NRDC: variants seen among roughly 807,000 people sequenced by gnomAD.
NRDC encodes nardilysin convertase, also known as nardilysin.
A neutral mutation model predicts 147.1 loss-of-function variants in NRDC; 54 were observed. That is an observed-to-expected ratio of 0.37 (90% CI 0.29 to 0.46). The LOEUF is 0.46. NRDC is among the 20% of genes least tolerant of loss of function. The probability of loss-of-function intolerance (pLI) is 1.00; values close to 1 mark genes in which losing one functional copy is unlikely to be tolerated. For missense variants in NRDC, 1,082 were observed against 1,370.6 expected, an observed-to-expected ratio of 0.79 and a Z score of 3.33; for synonymous variants, 440 against 482.1, an observed-to-expected ratio of 0.91 and a Z score of 1.14.
In NRDC at chr1:51,830,196, C is replaced by A. The variant is rs185535332; in HGVS notation, c.867-2327G>T. ...GCCAGGCTGGTTTCAAACTCCTGAC[C>A]TCGTGATCCACCCGCCTCGGCCTCC... is the stretch of plus-strand genomic sequence containing the variant. On this transcript the variant is annotated intron_variant, in intron 4 of 30. Coordinates refer to ENST00000352171, the MANE Select transcript of NRDC (RefSeq NM_001101662.2). Among the ~76,000 whole-genome samples, 276 of 152,156 alleles carry A rather than the reference C, an allele frequency of 1.8e-3. 1 individual carries two copies. Among genetic ancestry groups the A allele is most frequent in the African/African-American group, 6.3e-3 (263 of 41,518 alleles).
At chr1:51,865,034 A>G (rs1358858764) in intron 1 of NRDC, among the ~76,000 whole-genome samples, 1 of 152,050 alleles carries the variant, frequency 6.6e-6, no homozygotes, top group Non-Finnish European at 1.5e-5. Flanking sequence ...GCAAACCATA[A>G]AAGATCAATA....
chr1:51,800,753 C>A, intron 20 of NRDC, 70 bp from the exon 21 acceptor site: 1 of 1,522,106 alleles, frequency 6.6e-7, no homozygotes, highest in Middle Eastern at 2.0e-4. Context: ...GGAAATGTTT[C>A]TCTTTGGTTT....
intron 20 of NRDC, among the ~76,000 whole-genome samples, chr1:51,801,922 A>G (rs989920798): frequency 5.3e-5 from 8 of 151,798 alleles, no homozygotes; most frequent in Non-Finnish European, 8.8e-5. Flanking sequence ...CGAGTAGCTG[A>G]GACTACAGGC....
At chr1:51,835,024 A>G (rs983293059) in intron 3 of NRDC, among the ~76,000 whole-genome samples, 19 of 152,166 alleles carry the variant, frequency 1.2e-4, no homozygotes, top group Non-Finnish European at 2.9e-5. Context: ...ATAAAAATAA[A>G]TATTTGTAAC....
At chr1:51,820,006 A>G in intron 8 of NRDC, 133 bp from the exon 9 acceptor site, 1 of 666,446 alleles carries the variant, frequency 1.5e-6, no homozygotes, top group Non-Finnish European at 2.6e-6. Flanking sequence ...CCAGGCATGA[A>G]CAAATAGATG....
chr1:51,834,211 A>G (rs199708979), intron 3 of NRDC, 41 bp from the exon 4 acceptor site: 6 of 1,597,692 alleles, frequency 3.8e-6, no homozygotes, highest in Non-Finnish European at 5.1e-6. Flanking sequence ...ACAAAGATAT[A>G]GAAAATATTT....
rs771147820 is a variant in NRDC at position 51,791,558 on chromosome 1, C to G, written c.2960+20G>C. On this transcript the variant is annotated intron_variant, in intron 27 of 30. Transcript: ENST00000352171. ...CATGTCCATAATAGGTTACACTCATCTATTCACTCACTCACTCACTTGTAT... is the reference window on the plus strand; with the variant it reads ...CATGTCCATAATAGGTTACACTCATGTATTCACTCACTCACTCACTTGTAT... 4.4e-6 allele frequency: 7 copies of G among 1,579,748 alleles called. No individual in the cohort carries two copies. The highest frequency in any genetic ancestry group is 5.2e-6 in the Non-Finnish European group (6 of 1,148,792).
intron 5 of NRDC, among the ~76,000 whole-genome samples, chr1:51,826,143 AT>A (rs2149212195): frequency 6.6e-6 from 1 of 152,230 alleles, no homozygotes; most frequent in African/African-American, 2.4e-5. Flanking sequence ...TCTGTGGTTT[AT>A]AAGCCACCCG....
Position 51,878,542 on chromosome 1 carries a change from G to A in NRDC, c.74C>T (p.Ala25Val). 1.2e-6 allele frequency: 2 copies of A among 1,613,540 alleles called. No homozygotes were observed. The highest frequency in any genetic ancestry group is 1.7e-6 in the Non-Finnish European group (2 of 1,179,848). Residue 25 changes from alanine (A) to valine (V), a missense_variant, in exon 1 of 31, where the codon GCG (alanine) becomes GTG (valine). This residue lies in a region of NRDC where 260 missense variants were observed against 253.2 expected (regional missense o/e 1.03). Coordinates refer to ENST00000352171, the MANE Select transcript of NRDC (RefSeq NM_001101662.2). ...RKLCEAGRELAALWGIETRGR... is the reference protein window; with the variant it reads ...RKLCEAGRELVALWGIETRGR... The stretch of plus-strand genomic sequence containing the variant: ...CCGCGTTTCGATTCCCCAGAGCGCC[G>A]CGAGCTCCCGCCCGGCCTCACACAA...
intron 1 of NRDC, among the ~76,000 whole-genome samples, chr1:51,849,307 A>G (rs923891232): frequency 4.0e-5 from 6 of 151,886 alleles, no homozygotes; most frequent in African/African-American, 1.5e-4. Context: ...CTGAGGCAGG[A>G]GAATGACTGA....
In NRDC at chr1:51,791,645, T is replaced by C. The variant is rs150945886; in HGVS notation, c.2893A>G (p.Thr965Ala). Residue 965 changes from threonine (T) to alanine (A), a missense_variant, in exon 27 of 31, where the codon ACC becomes GCC. Physicochemically the swap from Thr to Ala is moderately conservative, Grantham distance 58 (BLOSUM62 0). Transcript: ENST00000352171. ...KQTLGYHVYP[T>A]CRNTSGILGF... Reference sequence around the variant, plus strand: ...AGAATCCCGGATGTGTTCCTACAGGTAGGGTAGACATGGTACCTACAAGCC... The same window carrying C: ...AGAATCCCGGATGTGTTCCTACAGGCAGGGTAGACATGGTACCTACAAGCC... 6.2e-7 allele frequency: 1 copy of C among 1,613,706 alleles called. No individual in the cohort carries two copies. Among genetic ancestry groups the C allele is most frequent in the South Asian group, 1.1e-5 (1 of 91,070 alleles).
rs1345105056 is a variant in NRDC, at chr1:51,806,841, T to C, written c.2063A>G (p.Gln688Arg). 1 of 1,614,168 alleles carries C rather than the reference T, an allele frequency of 6.2e-7. No homozygotes were observed. The highest frequency in any genetic ancestry group is 8.5e-7 in the Non-Finnish European group (1 of 1,179,990). ...EYPVKIVNTP[Q>R]GCLWYKKDNK... ...GTCTTTCTTATACCACAGGCAACCTTGTGGAGTATTCACAATTTTAACTGG... is the reference window on the plus strand; with the variant it reads ...GTCTTTCTTATACCACAGGCAACCTCGTGGAGTATTCACAATTTTAACTGG... Residue 688 changes from glutamine (Q) to arginine (R), a missense_variant, in exon 18 of 31, where the codon CAA (glutamine) becomes CGA (arginine). By Grantham distance (43) the Gln-to-Arg change is conservative. Transcript: ENST00000352171.
chr1:51,855,168 G>T lies in NRDC; in HGVS notation c.342-14654C>A, dbSNP rs1054740995. 2.0e-5 allele frequency among the ~76,000 whole-genome samples: 3 copies of T among 152,256 alleles called. No homozygotes were observed. The South Asian group carries it at 6.2e-4, about 32-fold the overall frequency. ...GTGTAACCCTCCATGTATGGTTTATGATTTTGTCTGTAACTTCTGCTATCC... is the reference window on the plus strand; with the variant it reads ...GTGTAACCCTCCATGTATGGTTTATTATTTTGTCTGTAACTTCTGCTATCC... On this transcript the variant is annotated intron_variant, in intron 1 of 30. Coordinates refer to ENST00000352171, the MANE Select transcript of NRDC (RefSeq NM_001101662.2).
At chr1:51,863,013 G>GGAAAAA (rs1553219028) in intron 1 of NRDC, among the ~76,000 whole-genome samples, 30 of 32,054 alleles carry the variant, frequency 9.4e-4, no homozygotes, top group African/African-American at 1.9e-3. Flanking sequence ...CTGTGTGGAG[G>GGAAAAA]AAAAAAAAAA....
Position 51,804,080 on chromosome 1 carries a change from C to G in NRDC, c.2163-116G>C, listed in dbSNP as rs557327504. 36 of 882,248 alleles carry G rather than the reference C, an allele frequency of 4.1e-5. 1 individual carries two copies. The South Asian group carries it at 7.1e-4, about 17-fold the overall frequency. The allele number at this position is 882,248 out of a possible 1,614,324, so 54.7% of individuals were successfully genotyped here. ...TTTAGAAAGTATAAATTCTCTACTC[C>G]AGAATGTAAAAGGTAATACAGCTTA... On this transcript the variant is annotated intron_variant, in intron 19 of 30. Coordinates refer to ENST00000352171, the MANE Select transcript of NRDC (RefSeq NM_001101662.2).
chr1:51,864,336 C>T (rs990855632), intron 1 of NRDC, among the ~76,000 whole-genome samples: 1 of 152,168 alleles, frequency 6.6e-6, no homozygotes, highest in African/African-American at 2.4e-5. Flanking sequence ...CTGATGAACA[C>T]TTAATTTTGA....
In NRDC at chr1:51,803,796, C is replaced by CA; in HGVS notation, c.2313+17dup. The CA allele has an allele frequency of 6.2e-7, 1 of 1,601,282 alleles. No individual in the cohort carries two copies. The highest frequency in any genetic ancestry group is 8.5e-7 in the Non-Finnish European group (1 of 1,172,370). ...ATTTTAATGCTCTCTATAAGGAAAA[C>CA]AGAGTACTTGTACTTACAGGTAGTT... On this transcript the variant is annotated intron_variant, in intron 20 of 30. Coordinates refer to ENST00000352171, the MANE Select transcript of NRDC (RefSeq NM_001101662.2).
chr1:51,836,009 C>T lies in NRDC; in HGVS notation c.712+122G>A, dbSNP rs965360655. ...TCATAAATCAAGGATTTTTTCTTAG[C>T]CTTTTCTCTTGCTAAATATATCATA... On this transcript the variant is annotated intron_variant, in intron 3 of 30. Transcript: ENST00000352171. The T allele has an allele frequency of 4.0e-6, 3 of 745,066 alleles. No individual in the cohort carries two copies. The Admixed American group carries it at 7.8e-5, about 19-fold the overall frequency. The allele number at this position is 745,066 out of a possible 1,614,324, so 46.2% of individuals were successfully genotyped here.
Position 51,814,567 on chromosome 1 carries a change from G to A in NRDC, c.1603C>T (p.Leu535=). The change falls in exon 13 of 31, where the codon CTA becomes TTA. Residue 535 remains leucine (L), a synonymous_variant. Transcript: ENST00000352171. Reference sequence around the variant, plus strand: ...GTTTATTACCTTTTTTCTGGGCCTAGCTTCTGCAGCATTTTTAAATACTGA... The same window carrying A: ...GTTTATTACCTTTTTTCTGGGCCTAACTTCTGCAGCATTTTTAAATACTGA... ...VFQYLKMLQK[L]GPEKRIFEEI... 1 of 1,613,464 alleles carries A rather than the reference G, an allele frequency of 6.2e-7. No individual in the cohort carries two copies. The highest frequency in any genetic ancestry group is 1.7e-4 in the Middle Eastern group (1 of 6,056).
Sources: gnomAD v4.1 joint callset for allele counts (sites outside exome capture counted in the v4.1 genomes callset) on GRCh38, gnomAD v4.1.1 for gene constraint, gnomAD v4.1.1 regional missense constraint, MANE v1.5 for transcripts, NCBI Gene and HGNC (gene_info 2026-07-23, HGNC 2026-07-21) for gene names.